Variants in DERA observed in about 807,000 individuals in gnomAD.
DERA encodes 2-deoxy-D-ribose 5-phosphate aldolase.
A neutral mutation model predicts 41.1 loss-of-function variants in DERA; 15 were observed. The observed-to-expected ratio is 0.37, with a 90% CI of 0.24 to 0.56. The LOEUF (loss-of-function observed/expected upper bound fraction) is 0.56. Ranked by LOEUF, DERA falls within the 20% of genes least tolerant of loss-of-function variation. The pLI, the probability that DERA is intolerant of heterozygous loss-of-function variation, is 0.81. For missense variants in DERA, 396 were observed against 403.4 expected (o/e 0.98, Z 0.16); for synonymous variants, 139 against 137.4 (o/e 1.01, Z -0.08).
At position 15,967,420 on chromosome 12, in the gene DERA, T is replaced by TCAAA. The variant is rs534718853; in HGVS notation, c.508+4494_508+4497dup. On this transcript the variant is annotated intron_variant, in intron 5 of 8. Coordinates refer to ENST00000428559, the MANE Select transcript of DERA (RefSeq NM_015954.4). This position sits in a 1 kb window ranked among gnomAD's most constrained non-coding sequence, Gnocchi z 4.9. ...CTGAGCAAGAGAGTGAGACCCTGTC[T>TCAAA]CAAACAAACAAACAAACAAACAAAA... is the stretch of plus-strand genomic sequence containing the variant. Among the ~76,000 whole-genome samples, 58 of 152,260 alleles carry TCAAA rather than the reference T, an allele frequency of 3.8e-4. No individual in the cohort carries two copies. The highest frequency in any genetic ancestry group is 7.7e-4 in the African/African-American group (32 of 41,560).
At chr12:15,927,497 C>T (rs2136128453) in intron 1 of DERA, among the ~76,000 whole-genome samples, 1 of 152,174 alleles carries the variant, frequency 6.6e-6, no homozygotes. Context: ...TTATAATTCT[C>T]AGTAGGTCAT....
chr12:15,926,651 G>C (rs572716895), intron 1 of DERA, among the ~76,000 whole-genome samples: 1 of 151,716 alleles, frequency 6.6e-6, no homozygotes, highest in Non-Finnish European at 1.5e-5. Flanking sequence ...CAGGGGAATG[G>C]CGTGAACCCG....
chr12:16,014,943 C>T lies in DERA; in HGVS notation c.638-17599C>T, dbSNP rs1948971263. Among the ~76,000 whole-genome samples, 1 of 152,138 alleles carries T rather than the reference C, an allele frequency of 6.6e-6. No individual in the cohort carries two copies. The highest frequency in any genetic ancestry group is 1.5e-5 in the Non-Finnish European group (1 of 68,024). Reference sequence around the variant, plus strand: ...TTTTGTAGCTTTAAGATTTGACTGCCCTCCTGGATTTCAGACTTGCATGGG... The same window carrying T: ...TTTTGTAGCTTTAAGATTTGACTGCTCTCCTGGATTTCAGACTTGCATGGG... On this transcript the variant is annotated intron_variant, in intron 6 of 8. Coordinates refer to ENST00000428559, the MANE Select transcript of DERA (RefSeq NM_015954.4). This position sits in a 1 kb window ranked among gnomAD's most constrained non-coding sequence, Gnocchi z 5.4.
chr12:15,971,704 G>C (rs2136155395), intron 5 of DERA, among the ~76,000 whole-genome samples: 1 of 152,150 alleles, frequency 6.6e-6, no homozygotes, highest in South Asian at 2.1e-4. Context: ...TTTTAATAGA[G>C]ATGGGGTTTC....
rs560698931 is a variant in DERA, at chr12:15,964,003, A to T, written c.508+1056A>T. ...TTAAACCCTCAGTATTTATTCTCTT[A>T]TATAAAGTCCAGGGGTAGGTATTTC... On this transcript the variant is annotated intron_variant, in intron 5 of 8. Transcript: ENST00000428559. Among the ~76,000 whole-genome samples the T allele has an allele frequency of 1.1e-3, 172 of 152,300 alleles. 1 individual carries two copies. The highest frequency in any genetic ancestry group is 4.0e-3 in the African/African-American group (167 of 41,568).
rs1949004196 is a variant in DERA at position 16,019,398 on chromosome 12, C to CG, written c.638-13144_638-13143insG. On this transcript the variant is annotated intron_variant, in intron 6 of 8. Coordinates refer to ENST00000428559, the MANE Select transcript of DERA (RefSeq NM_015954.4). This position sits in a 1 kb window ranked among gnomAD's most constrained non-coding sequence, Gnocchi z 4.4. ...ACACTAAATTTAGCATCTTAAAACA[C>CG]TGATTTCATGTGATCAGACCTCACA... Among the ~76,000 whole-genome samples, 2 of 152,186 alleles carry CG rather than the reference C, an allele frequency of 1.3e-5. No homozygotes were observed. The highest frequency in any genetic ancestry group is 4.8e-5 in the African/African-American group (2 of 41,438).
At chr12:15,986,274 T>C (rs1948763820) in intron 6 of DERA, among the ~76,000 whole-genome samples, 1 of 152,208 alleles carries the variant, frequency 6.6e-6, no homozygotes, top group South Asian at 2.1e-4. Flanking sequence ...ATTTCTTTTC[T>C]AATCTATTAT....
At position 16,026,590 on chromosome 12, in the gene DERA, T is replaced by G. The variant is rs1011633537; in HGVS notation, c.638-5952T>G. On this transcript the variant is annotated intron_variant, in intron 6 of 8. Coordinates refer to ENST00000428559, the MANE Select transcript of DERA (RefSeq NM_015954.4). This position sits in a 1 kb window ranked among gnomAD's most constrained non-coding sequence, Gnocchi z 4.4. ...ACTTTTACATAAATTGTAAATATATTTACACATTTATGTAAATATATAACA... is the reference window on the plus strand; with the variant it reads ...ACTTTTACATAAATTGTAAATATATGTACACATTTATGTAAATATATAACA... 6.7e-6 allele frequency among the ~76,000 whole-genome samples: 1 copy of G among 150,030 alleles called. No individual in the cohort carries two copies. Among genetic ancestry groups the G allele is most frequent in the Non-Finnish European group, 1.5e-5 (1 of 67,496 alleles).
Position 15,965,115 on chromosome 12 carries a change from T to C in DERA, c.508+2168T>C, listed in dbSNP as rs967204207. Reference sequence around the variant, plus strand: ...TTTTGATTCTCAATTTGATTACATATTGTATTTTTCAGTGTCATGTTTTAA... The same window carrying C: ...TTTTGATTCTCAATTTGATTACATACTGTATTTTTCAGTGTCATGTTTTAA... On this transcript the variant is annotated intron_variant, in intron 5 of 8. Transcript: ENST00000428559. The surrounding 1 kb of genome is among the most constrained non-coding windows in gnomAD (Gnocchi z 4.1). Among the ~76,000 whole-genome samples, 1 of 152,232 alleles carries C rather than the reference T, an allele frequency of 6.6e-6. No homozygotes were observed. The highest frequency in any genetic ancestry group is 1.5e-5 in the Non-Finnish European group (1 of 68,042).
Position 15,927,178 on chromosome 12 carries a change from A to G in DERA, c.31+15764A>G, listed in dbSNP as rs139729859. ...GCTCTTCATGAAGATGGTAATACAT[A>G]TAATAAAGATTAATATTTACTGATT... On this transcript the variant is annotated intron_variant, in intron 1 of 8. Coordinates refer to ENST00000428559, the MANE Select transcript of DERA (RefSeq NM_015954.4). Among the ~76,000 whole-genome samples, 310 of 152,322 alleles carry G rather than the reference A, an allele frequency of 2.0e-3. 1 individual carries two copies. Among genetic ancestry groups the G allele is most frequent in the African/African-American group, 7.2e-3 (300 of 41,560 alleles).
At position 16,026,500 on chromosome 12, in the gene DERA, G is replaced by A. The variant is rs1463894045; in HGVS notation, c.638-6042G>A. 6.7e-6 allele frequency among the ~76,000 whole-genome samples: 1 copy of A among 150,036 alleles called. No individual in the cohort carries two copies. The highest frequency in any genetic ancestry group is 1.5e-5 in the Non-Finnish European group (1 of 67,422). On this transcript the variant is annotated intron_variant, in intron 6 of 8. Transcript: ENST00000428559. The surrounding 1 kb of genome is among the most constrained non-coding windows in gnomAD (Gnocchi z 4.4). ...CTCACAAGGAGAAATAGTCTGAATA[G>A]GTCTATATCTATTAAAGAAATTATT... is the stretch of plus-strand genomic sequence containing the variant.
In DERA at chr12:16,023,473, CTTTTTTT is replaced by C. The variant is rs58250786; in HGVS notation, c.638-9053_638-9047del. On this transcript the variant is annotated intron_variant, in intron 6 of 8. Transcript: ENST00000428559. ...AGAGGCAAGAAAAAAAACTCAAAGT[CTTTTTTT>C]TTTTTTTTTTTTTTTGAGACGGAGT... 1.3e-3 allele frequency among the ~76,000 whole-genome samples: 144 copies of C among 111,870 alleles called. 1 individual carries two copies. Among genetic ancestry groups the C allele is most frequent in the African/African-American group, 4.5e-3 (118 of 26,234 alleles). 73.4% of individuals were successfully genotyped at this position (111,870 alleles called of 152,430 possible).
Position 15,993,140 on chromosome 12 carries a change from A to G in DERA, c.637+10704A>G, listed in dbSNP as rs1948812828. ...AAATTCAACCCAATAAGATCAAAGT[A>G]ATACAGAAACAATGAGAGGAAGCGG... On this transcript the variant is annotated intron_variant, in intron 6 of 8. Coordinates refer to ENST00000428559, the MANE Select transcript of DERA (RefSeq NM_015954.4). The surrounding 1 kb of genome is among the most constrained non-coding windows in gnomAD (Gnocchi z 4.4). 6.6e-6 allele frequency among the ~76,000 whole-genome samples: 1 copy of G among 152,136 alleles called. No homozygotes were observed.
Position 15,992,316 on chromosome 12 carries a change from C to T in DERA, c.637+9880C>T, listed in dbSNP as rs1278593109. Among the ~76,000 whole-genome samples the T allele has an allele frequency of 2.6e-5, 4 of 151,996 alleles. No individual in the cohort carries two copies. The highest frequency in any genetic ancestry group is 9.7e-5 in the African/African-American group (4 of 41,398). On this transcript the variant is annotated intron_variant, in intron 6 of 8. Transcript: ENST00000428559. This position sits in a 1 kb window ranked among gnomAD's most constrained non-coding sequence, Gnocchi z 4.3. ...GTGCCAAAATCTTGTAGAATTTGAA[C>T]ATGTTATTTTAGAGGGCAACTCTTA...
At position 15,936,891 on chromosome 12, in the gene DERA, C is replaced by CTTGTCTTGTCTTGTCT. The variant is rs1565588627; in HGVS notation, c.32-20044_32-20043insTGTCTTGTCTTGTCTT. On this transcript the variant is annotated intron_variant, in intron 1 of 8. Transcript: ENST00000428559. The surrounding 1 kb of genome is among the most constrained non-coding windows in gnomAD (Gnocchi z 4.6). ...TTGTCTTGTCTTGTCTTGTCTTGTCCTGTCCTGTCCTGTCCTGTCCTGTCC... is the reference window on the plus strand; with the variant it reads ...TTGTCTTGTCTTGTCTTGTCTTGTCCTTGTCTTGTCTTGTCTTGTCCTGTCCTGTCCTGTCCTGTCC... 1.0e-5 allele frequency among the ~76,000 whole-genome samples: 1 copy of CTTGTCTTGTCTTGTCT among 97,104 alleles called. No individual in the cohort carries two copies. Among genetic ancestry groups the CTTGTCTTGTCTTGTCT allele is most frequent in the African/African-American group, 3.5e-5 (1 of 28,638 alleles). The allele number at this position is 97,104 out of a possible 152,430, so 63.7% of individuals were successfully genotyped here.
At position 16,014,450 on chromosome 12, in the gene DERA, G is replaced by A. The variant is rs1948967171; in HGVS notation, c.638-18092G>A. ...AGCTCAGGCCATTGCTTCAGAGAGT[G>A]TAAGCTCCAAGCCTTGGTGGCTTCC... On this transcript the variant is annotated intron_variant, in intron 6 of 8. Transcript: ENST00000428559. The surrounding 1 kb of genome is among the most constrained non-coding windows in gnomAD (Gnocchi z 5.4). 6.6e-6 allele frequency among the ~76,000 whole-genome samples: 1 copy of A among 152,222 alleles called. No homozygotes were observed. Among genetic ancestry groups the A allele is most frequent in the Non-Finnish European group, 1.5e-5 (1 of 68,036 alleles).
In DERA at chr12:15,959,871, G is replaced by A. The variant is rs768740450; in HGVS notation, c.320G>A (p.Cys107Tyr). 8 of 1,551,658 alleles carry A rather than the reference G, an allele frequency of 5.2e-6. No homozygotes were observed. The highest frequency in any genetic ancestry group is 2.4e-5 in the East Asian group (1 of 41,260). ...GTTTGTGTTTATCCCGCCCGGGTGT[G>A]TGATGCTGTAAAAGCACTCAAGGCT... ...AAVCVYPARV[C>Y]DAVKALKAAG... The change falls in exon 4 of 9, where the codon TGT (cysteine) becomes TAT (tyrosine). Residue 107 changes from cysteine (C) to tyrosine (Y), a missense_variant. Cys to Tyr is a radical substitution (Grantham distance 194, BLOSUM62 -2). Coordinates refer to ENST00000428559, the MANE Select transcript of DERA (RefSeq NM_015954.4). This position sits in a 1 kb window ranked among gnomAD's most constrained non-coding sequence, Gnocchi z 4.5.
At chr12:15,973,046 CAGTG>C (rs1295418625) in intron 5 of DERA, among the ~76,000 whole-genome samples, 2 of 152,048 alleles carry the variant, frequency 1.3e-5, no homozygotes, top group Non-Finnish European at 2.9e-5. Flanking sequence ...TGATTCCTGT[CAGTG>C]AGCACTCCAC....
In DERA at chr12:15,995,436, T is replaced by G. The variant is rs1381884457; in HGVS notation, c.637+13000T>G. Among the ~76,000 whole-genome samples the G allele has an allele frequency of 6.6e-6, 1 of 152,122 alleles. No individual in the cohort carries two copies. Among genetic ancestry groups the G allele is most frequent in the African/African-American group, 2.4e-5 (1 of 41,424 alleles). The stretch of plus-strand genomic sequence containing the variant: ...CAGGCTGCTTCCACTGTTATTTGTG[T>G]TTAGCTACTCTGTTGATGTCCCTGT... On this transcript the variant is annotated intron_variant, in intron 6 of 8. Transcript: ENST00000428559. The surrounding 1 kb of genome is among the most constrained non-coding windows in gnomAD (Gnocchi z 5.1).
Sources: allele counts gnomAD v4.1 joint callset (sites outside exome capture counted in the v4.1 genomes callset), GRCh38; gene constraint gnomAD v4.1.1; non-coding constraint Gnocchi (gnomAD v3.1); transcripts MANE v1.5; gene names NCBI Gene and HGNC (gene_info 2026-07-23, HGNC 2026-07-21).